Variants in RIMS2 observed in about 807,000 individuals in gnomAD.
RIMS2 encodes the protein regulating synaptic membrane exocytosis 2, also known as regulating synaptic membrane exocytosis protein 2.
In RIMS2, 59 loss-of-function variants were observed where a neutral mutation model predicts 174.4. The ratio of observed to expected loss-of-function variants is 0.34; its 90% confidence interval spans 0.27 to 0.42. The LOEUF (loss-of-function observed/expected upper bound fraction) is 0.42. Ranked by LOEUF, RIMS2 falls within the 10% of genes least tolerant of loss-of-function variation. The pLI, the probability that RIMS2 is intolerant of heterozygous loss-of-function variation, is 1.00. For synonymous variants in RIMS2, 606 were observed against 572.5 expected, an observed-to-expected ratio of 1.06 and a Z score of -0.84; for missense variants, 1,620 against 1,666.3, an observed-to-expected ratio of 0.97 and a Z score of 0.48.
intron 1 of RIMS2, among the ~76,000 whole-genome samples, chr8:103,592,194 A>T (rs775898705): frequency 2.6e-5 from 4 of 151,240 alleles, no homozygotes; most frequent in Admixed American, 6.6e-5. Flanking sequence ...TAACATTTTC[A>T]CAATTTTCTT....
At position 104,013,633 on chromosome 8, in the gene RIMS2, A is replaced by G. The variant is rs1336104415; in HGVS notation, c.3224+12A>G. The G allele has an allele frequency of 1.9e-6, 3 of 1,610,260 alleles. No homozygotes were observed. In the African/African-American group the frequency reaches 4.0e-5, roughly 22 times the overall value. On this transcript the variant is annotated intron_variant, in intron 18 of 23. Transcript: ENST00000504942. Reference sequence around the variant, plus strand: ...CCTGCCTTATCGAGGTGAAAGATAAATCAATCAGACTAATTTCCCCTTTGC... The same window carrying G: ...CCTGCCTTATCGAGGTGAAAGATAAGTCAATCAGACTAATTTCCCCTTTGC...
intron 1 of RIMS2, among the ~76,000 whole-genome samples, chr8:103,581,826 A>G (rs1336479483): frequency 6.6e-6 from 1 of 152,224 alleles, no homozygotes; most frequent in East Asian, 1.9e-4. Context: ...CCCTGTCTCC[A>G]GGTAAACTTG....
At chr8:103,753,544 T>C (rs528059332) in intron 2 of RIMS2, among the ~76,000 whole-genome samples, 1 of 152,208 alleles carries the variant, frequency 6.6e-6, no homozygotes, top group South Asian at 2.1e-4. Flanking sequence ...CTGGTAGAAT[T>C]CGGCTGTGAA....
intron 1 of RIMS2, 47 bp from the exon 4 acceptor site, chr8:103,697,039 G>T: frequency 8.5e-7 from 1 of 1,182,630 alleles, no homozygotes; most frequent in South Asian, 1.2e-5. Flanking sequence ...TTTTCCTTTA[G>T]AGATCATCAG....
intron 19 of RIMS2, among the ~76,000 whole-genome samples, chr8:104,207,770 G>A (rs909157246): frequency 3.3e-5 from 5 of 151,550 alleles, no homozygotes; most frequent in South Asian, 2.1e-4. Context: ...CCAAGATCAC[G>A]CCATTGCACT....
intron 13 of RIMS2, among the ~76,000 whole-genome samples, chr8:103,941,222 TTG>T (rs2082453823): frequency 6.6e-6 from 1 of 151,914 alleles, no homozygotes; most frequent in African/African-American, 2.4e-5. Context: ...TGGCTCACAC[TTG>T]TAATACCAAT....
At chr8:104,195,745 T>C (rs1283386670) in intron 19 of RIMS2, among the ~76,000 whole-genome samples, 1 of 152,052 alleles carries the variant, frequency 6.6e-6, no homozygotes, top group Admixed American at 6.5e-5. Flanking sequence ...AACTCCTGGC[T>C]CAGGCAGTCT....
intron 9 of RIMS2, among the ~76,000 whole-genome samples, chr8:103,921,456 G>T (rs1185834626): frequency 6.6e-6 from 1 of 152,060 alleles, no homozygotes; most frequent in Non-Finnish European, 1.5e-5. Context: ...CACAGAAAAT[G>T]GTTCACTGTT....
At chr8:103,652,527 C>T (rs1319029773) in intron 1 of RIMS2, 97 bp from the exon 3 acceptor site, 3 of 580,414 alleles carry the variant, frequency 5.2e-6, no homozygotes, top group Non-Finnish European at 5.7e-6. Context: ...TTGGCTGTAG[C>T]TTTTGTGCCT....
intron 2 of RIMS2, among the ~76,000 whole-genome samples, chr8:103,727,552 A>G (rs1392365227): frequency 6.6e-6 from 1 of 152,116 alleles, no homozygotes; most frequent in African/African-American, 2.4e-5. Flanking sequence ...TGCCCAGACC[A>G]ATGTCCTGGA....
At chr8:103,892,089 T>G (rs773826291) in intron 4 of RIMS2, among the ~76,000 whole-genome samples, 3 of 152,044 alleles carry the variant, frequency 2.0e-5, no homozygotes, top group Admixed American at 1.3e-4. Flanking sequence ...AAATATTAAT[T>G]TATGGTATTT....
intron 1 of RIMS2, among the ~76,000 whole-genome samples, chr8:103,539,142 T>C (rs995059545): frequency 6.6e-6 from 1 of 152,168 alleles, no homozygotes; most frequent in South Asian, 2.1e-4. Flanking sequence ...GGGGCTGTAG[T>C]GTGTGATGAT....
intron 3 of RIMS2, among the ~76,000 whole-genome samples, chr8:103,840,565 A>G (rs1366605428): frequency 6.6e-6 from 1 of 152,084 alleles, no homozygotes; most frequent in South Asian, 2.1e-4. Flanking sequence ...GCTGCTGTGA[A>G]GATTTTTGTG....
At chr8:103,737,478 T>C (rs1234789204) in intron 2 of RIMS2, among the ~76,000 whole-genome samples, 2 of 148,990 alleles carry the variant, frequency 1.3e-5, no homozygotes, top group Admixed American at 1.6e-4. Flanking sequence ...TGAACCACTG[T>C]GCCCAGCCTG....
At chr8:103,989,349 G>A in exon 17 of RIMS2, 1 of 1,613,660 alleles carries the variant, frequency 6.2e-7, no homozygotes, top group East Asian at 2.2e-5. Context: ...ACTATGACCG[G>A]ACATTATAAT....
chr8:103,920,553 A>G (rs2077414370), intron 9 of RIMS2: 5 of 427,106 alleles, frequency 1.2e-5, no homozygotes, highest in South Asian at 8.5e-5. Context: ...CTACAGGTTA[A>G]TTTCCAACAC....
intron 19 of RIMS2, among the ~76,000 whole-genome samples, chr8:104,185,203 C>A (rs1257848483): frequency 1.3e-5 from 2 of 151,460 alleles, no homozygotes; most frequent in Non-Finnish European, 3.0e-5. Context: ...TACGATCTTG[C>A]TTAATTAAGC....
intron 19 of RIMS2, chr8:104,015,410 T>C: frequency 1.4e-6 from 1 of 690,530 alleles, no homozygotes; most frequent in Non-Finnish European, 2.6e-6. Flanking sequence ...TTGTTTTTAT[T>C]TTGTTTTCCC....
chr8:103,824,765 T>C (rs1393640749), intron 3 of RIMS2, among the ~76,000 whole-genome samples: 1 of 152,196 alleles, frequency 6.6e-6, no homozygotes, highest in East Asian at 1.9e-4. Context: ...ATTTTACTCT[T>C]GAACAAACTA....
Sources: gnomAD v4.1 joint callset for allele counts (sites outside exome capture counted in the v4.1 genomes callset) on GRCh38, gnomAD v4.1.1 for gene constraint, MANE v1.5 for transcripts, NCBI Gene and HGNC (gene_info 2026-07-23, HGNC 2026-07-21) for gene names.